The following AGBL1 variants were observed in gnomAD, a reference collection of about 807,000 sequenced individuals.
AGBL1 encodes cytosolic carboxypeptidase 4.
A neutral mutation model predicts 118.9 loss-of-function variants in AGBL1; 130 were observed. That is an observed-to-expected ratio of 1.09 (90% CI 0.95 to 1.26). AGBL1 has a LOEUF of 1.26. Among genes scored for constraint, AGBL1 ranks in the 50% most tolerant of loss-of-function variants. The pLI is 0.00. For missense variants in AGBL1, 1,584 were observed against 1,298.1 expected, an observed-to-expected ratio of 1.22 and a Z score of -3.38; for synonymous variants, 555 against 478.9, an observed-to-expected ratio of 1.16 and a Z score of -2.08.
chr15:87,026,714 T>C (rs1252283404), intron 24 of AGBL1, among the ~76,000 whole-genome samples: 1 of 152,018 alleles, frequency 6.6e-6, no homozygotes, highest in Non-Finnish European at 1.5e-5. Flanking sequence ...CAATTTGCAA[T>C]TGCAAAAATG....
chr15:86,493,594 G>A (rs2082810580), intron 18 of AGBL1, among the ~76,000 whole-genome samples: 2 of 151,988 alleles, frequency 1.3e-5, no homozygotes. Flanking sequence ...ACTTTTGGAG[G>A]TCTGAGTCTT....
intron 21 of AGBL1, among the ~76,000 whole-genome samples, chr15:86,585,487 G>C (rs1052585996): frequency 6.6e-6 from 1 of 152,018 alleles, no homozygotes; most frequent in African/African-American, 2.4e-5. Context: ...TTGAACTCCC[G>C]AGTGGCTGGA....
At position 86,915,912 on chromosome 15, in the gene AGBL1, G is replaced by C. The variant is rs1212152352; in HGVS notation, c.*8618G>C. On this transcript the variant is annotated 3_prime_UTR_variant, in exon 23 of 23. Transcript: ENST00000614907. ...TCCAGCCAACTCAGAGCTTCAAGGAGGCGTCCAGGAGAAACCTCCCTCAGC... is the reference window on the plus strand; with the variant it reads ...TCCAGCCAACTCAGAGCTTCAAGGACGCGTCCAGGAGAAACCTCCCTCAGC... 6.6e-6 allele frequency: 1 copy of C among 152,188 alleles called. No individual in the cohort carries two copies. The highest frequency in any genetic ancestry group is 1.5e-5 in the Non-Finnish European group (1 of 68,060). 9.4% of individuals were successfully genotyped at this position (152,188 alleles called of 1,614,324 possible). A position where few individuals can be genotyped will look rare whatever the true frequency, so the allele number is the denominator to read the frequency against.
intron 18 of AGBL1, among the ~76,000 whole-genome samples, chr15:86,469,839 C>CT (rs937669591): frequency 2.6e-5 from 4 of 151,926 alleles, no homozygotes; most frequent in Non-Finnish European, 4.4e-5. Context: ...TGAAGTTGAA[C>CT]TTTTTTTTAT....
rs141497180 is a variant in AGBL1 at position 86,997,120 on chromosome 15, C to A, written c.3323+9032C>A. Among the ~76,000 whole-genome samples the A allele has an allele frequency of 4.8e-3, 724 of 152,206 alleles. 2 individuals are homozygous for A. Among genetic ancestry groups the A allele is most frequent in the Non-Finnish European group, 7.4e-3 (503 of 68,014 alleles). On this transcript the variant is annotated intron_variant, in intron 24 of 24. Transcript: ENST00000441037. ...GTCCAAGTATGCATCTATGAATAAACCTAGTCCCTCATCCACTAACCTTCT... is the reference window on the plus strand; with the variant it reads ...GTCCAAGTATGCATCTATGAATAAAACTAGTCCCTCATCCACTAACCTTCT...
intron 22 of AGBL1, among the ~76,000 whole-genome samples, chr15:86,715,683 T>C (rs570651608): frequency 1.3e-5 from 2 of 152,052 alleles, no homozygotes; most frequent in Non-Finnish European, 2.9e-5. Flanking sequence ...TGTTGGAATT[T>C]AAAGAAAGAA....
chr15:87,028,688 G>A, intron 24 of AGBL1: 1 of 717,488 alleles, frequency 1.4e-6, no homozygotes, highest in Non-Finnish European at 2.3e-6. Flanking sequence ...CTAAATGTAA[G>A]TATGATTGTT....
chr15:86,926,980 A>C (rs1165003981), intron 23 of AGBL1, among the ~76,000 whole-genome samples: 2 of 152,024 alleles, frequency 1.3e-5, no homozygotes, highest in Non-Finnish European at 2.9e-5. Flanking sequence ...TCTACTAAAA[A>C]TGCAAAACAT....
intron 22 of AGBL1, among the ~76,000 whole-genome samples, chr15:86,847,785 A>T (rs2079340141): frequency 6.6e-6 from 1 of 152,118 alleles, no homozygotes; most frequent in Admixed American, 6.6e-5. Context: ...GATAACTTAG[A>T]TTATCTTAAG....
At chr15:86,547,769 A>G (rs2083604960) in intron 20 of AGBL1, among the ~76,000 whole-genome samples, 1 of 152,158 alleles carries the variant, frequency 6.6e-6, no homozygotes, top group Non-Finnish European at 1.5e-5. Flanking sequence ...TCTGAGCCTC[A>G]CTTTTCTCCC....
intron 24 of AGBL1, among the ~76,000 whole-genome samples, chr15:86,989,718 T>C (rs1560780): frequency 0.81 from 123,889 of 152,162 alleles, 51,064 homozygotes; most frequent in South Asian, 0.95. Context: ...TGAATAAAAA[T>C]GGAACAAGAT....
At chr15:86,823,390 A>G (rs1199782985) in intron 22 of AGBL1, among the ~76,000 whole-genome samples, 1 of 152,162 alleles carries the variant, frequency 6.6e-6, no homozygotes, top group Non-Finnish European at 1.5e-5. Context: ...TCTGCAGGAC[A>G]ACAGTCTGTC....
intron 22 of AGBL1, among the ~76,000 whole-genome samples, chr15:86,676,947 C>CGGA (rs976964812): frequency 1.2e-4 from 18 of 152,086 alleles, no homozygotes; most frequent in Admixed American, 1.1e-3. Flanking sequence ...ACCTGGGAGG[C>CGGA]GGAGGTTGCA....
chr15:86,293,546 A>G (rs2079583115), intron 16 of AGBL1, among the ~76,000 whole-genome samples: 3 of 152,184 alleles, frequency 2.0e-5, no homozygotes, highest in African/African-American at 7.2e-5. Context: ...TGGACAGTGC[A>G]GGACGACCTC....
At chr15:87,020,290 A>T (rs935174445) in intron 24 of AGBL1, among the ~76,000 whole-genome samples, 6 of 152,196 alleles carry the variant, frequency 3.9e-5, no homozygotes, top group Non-Finnish European at 8.8e-5. Context: ...GGCCTTCAAT[A>T]AAATTCAACA....
chr15:86,505,405 T>C (rs1488966008), intron 18 of AGBL1, among the ~76,000 whole-genome samples: 1 of 151,862 alleles, frequency 6.6e-6, no homozygotes, highest in East Asian at 1.9e-4. Context: ...CTATTAGATG[T>C]ATGTTGGTAT....
intron 22 of AGBL1, among the ~76,000 whole-genome samples, chr15:86,809,819 G>A (rs933609297): frequency 6.6e-6 from 1 of 152,106 alleles, no homozygotes; most frequent in Non-Finnish European, 1.5e-5. Flanking sequence ...GGCCATCCAG[G>A]AAAGATTGAA....
chr15:86,769,059 GCCAGTGTCCAAT>G (rs2078135014), intron 22 of AGBL1, among the ~76,000 whole-genome samples: 1 of 151,916 alleles, frequency 6.6e-6, no homozygotes, highest in South Asian at 2.1e-4. Context: ...TGCATCAGTT[GCCAGTGTCCAAT>G]CCTTGGATCC....
downstream of AGBL1, among the ~76,000 whole-genome samples, chr15:86,917,385 A>G (rs970381050): frequency 4.6e-5 from 7 of 152,164 alleles, no homozygotes; most frequent in African/African-American, 1.7e-4. This position sits in a 1 kb window ranked among gnomAD's most constrained non-coding sequence, Gnocchi z 4.8. Flanking sequence ...CTTTGCACAC[A>G]CTCAGGATTT....
Sources: gnomAD v4.1 joint callset for allele counts (sites outside exome capture counted in the v4.1 genomes callset) on GRCh38, gnomAD v4.1.1 for gene constraint, Gnocchi (gnomAD v3.1) non-coding constraint, MANE v1.5 for transcripts, NCBI Gene and HGNC (gene_info 2026-07-23, HGNC 2026-07-21) for gene names.